Variants in SORBS2 observed in about 807,000 individuals in gnomAD.
SORBS2 encodes the protein sorbin and SH3 domain containing 2.
A neutral mutation model predicts 97.7 loss-of-function variants in SORBS2; 46 were observed. The ratio of observed to expected loss-of-function variants is 0.47; its 90% confidence interval spans 0.37 to 0.60. The LOEUF (loss-of-function observed/expected upper bound fraction) is 0.60, where lower values mean the gene tolerates loss of function less well. Among genes scored for constraint, SORBS2 ranks in the 20% least tolerant of loss-of-function variants. The probability of loss-of-function intolerance (pLI) is 0.00; values close to 1 mark genes in which losing one functional copy is unlikely to be tolerated. For missense variants in SORBS2, 1,316 were observed against 1,282.3 expected (o/e 1.03, Z -0.40); for synonymous variants, 476 against 473.4 (o/e 1.01, Z -0.07).
chr4:185,666,032 C>G, intron 4 of SORBS2: 1 of 1,289,486 alleles, frequency 7.8e-7, no homozygotes, highest in Non-Finnish European at 1.0e-6. Flanking sequence ...CCCACACCAT[C>G]GGGGGGCGGA....
At chr4:185,589,543 G>A (rs1580374706) in intron 14 of SORBS2, 136 bp downstream of exon 26, 1 of 658,282 alleles carries the variant, frequency 1.5e-6, no homozygotes, top group East Asian at 2.7e-5. Context: ...GGATTACATT[G>A]TGCATATGAA....
rs551140342 is a variant in SORBS2, at chr4:185,880,246, C to T, written c.-338+75950G>A. Among the ~76,000 whole-genome samples, 35 of 152,266 alleles carry T rather than the reference C, an allele frequency of 2.3e-4. 1 individual carries two copies. In the South Asian group the frequency reaches 7.3e-3, roughly 32 times the overall value. On this transcript the variant is annotated intron_variant, in intron 1 of 20. Coordinates refer to the SORBS2 transcript ENST00000284776. ...CCTTTATATACTGTTTTCAAGGCAA[C>T]CCACTCCCATTTAATGTTAGTCTAG...
At chr4:185,854,252 A>T (rs1250368666) in intron 1 of SORBS2, among the ~76,000 whole-genome samples, 1 of 152,184 alleles carries the variant, frequency 6.6e-6, no homozygotes, top group Non-Finnish European at 1.5e-5. Context: ...TAACAGTAAT[A>T]ATTGTTCATT....
intron 5 of SORBS2, among the ~76,000 whole-genome samples, chr4:185,628,128 T>C (rs999226333): frequency 2.6e-5 from 4 of 152,198 alleles, no homozygotes; most frequent in African/African-American, 9.7e-5. Flanking sequence ...CAATTATAAA[T>C]AATGCTCCTA....
chr4:185,915,404 T>G (rs1217849384), intron 1 of SORBS2, among the ~76,000 whole-genome samples: 1 of 152,154 alleles, frequency 6.6e-6, no homozygotes, highest in African/African-American at 2.4e-5. Flanking sequence ...GAAACCTAAA[T>G]AGTAATCAGC....
intron 1 of SORBS2, among the ~76,000 whole-genome samples, chr4:185,936,864 G>A (rs189987868): frequency 3.9e-5 from 6 of 152,156 alleles, no homozygotes; most frequent in African/African-American, 9.7e-5. Flanking sequence ...TGCACGGCAC[G>A]GCACAGCATG....
In SORBS2 at chr4:185,684,896, C is replaced by T. The variant is rs974208061; in HGVS notation, c.-197-6074G>A. 17 of 1,346,410 alleles carry T rather than the reference C, an allele frequency of 1.3e-5. No homozygotes were observed. The highest frequency in any genetic ancestry group is 1.2e-4 in the African/African-American group (8 of 69,016). The allele number at this position is 1,346,410 out of a possible 1,614,324, so 83.4% of individuals were successfully genotyped here. A position where few individuals can be genotyped will look rare whatever the true frequency, so the allele number is the denominator to read the frequency against. On this transcript the variant is annotated intron_variant, in intron 2 of 20. Transcript: ENST00000284776. The surrounding 1 kb of genome is among the most constrained non-coding windows in gnomAD (Gnocchi z 4.2). ...AGAGGCCAAGGCAACGGGAAAAGCA[C>T]GTGCAATATCATGCGTTTTAAGAGA... is the stretch of plus-strand genomic sequence containing the variant.
chr4:185,840,819 T>C (rs1229163776), intron 1 of SORBS2, among the ~76,000 whole-genome samples: 2 of 152,074 alleles, frequency 1.3e-5, no homozygotes, highest in Non-Finnish European at 2.9e-5. Flanking sequence ...CTCTGGAAGA[T>C]GTTCACTCAC....
intron 1 of SORBS2, among the ~76,000 whole-genome samples, chr4:185,816,121 T>C (rs1464887951): frequency 6.6e-6 from 1 of 152,238 alleles, no homozygotes; most frequent in African/African-American, 2.4e-5. Flanking sequence ...AGTTTGCTAT[T>C]TCCCTACATT....
At chr4:185,706,573 T>C (rs2098344404) in intron 2 of SORBS2, among the ~76,000 whole-genome samples, 2 of 152,110 alleles carry the variant, frequency 1.3e-5, no homozygotes, top group Admixed American at 6.6e-5. Flanking sequence ...ACACCAACCA[T>C]CTAAAGCCAA....
At chr4:185,699,344 T>C (rs1470563073) in intron 2 of SORBS2, among the ~76,000 whole-genome samples, 1 of 141,088 alleles carries the variant, frequency 7.1e-6, no homozygotes, top group Non-Finnish European at 1.5e-5. Flanking sequence ...TGGAGTGCAG[T>C]GGTGCAATCT....
intron 1 of SORBS2, among the ~76,000 whole-genome samples, chr4:185,780,616 T>G (rs2099023823): frequency 6.6e-6 from 1 of 152,246 alleles, no homozygotes; most frequent in Non-Finnish European, 1.5e-5. Context: ...ACCTATGCTT[T>G]CTCTTGGGCT....
At chr4:185,732,892 G>A (rs186006476) in intron 2 of SORBS2, among the ~76,000 whole-genome samples, 2 of 152,326 alleles carry the variant, frequency 1.3e-5, no homozygotes, top group Non-Finnish European at 2.9e-5. Context: ...TGGAGAGAGA[G>A]ATTTGGAGAC....
chr4:185,615,854 A>G (rs2096618661), intron 9 of SORBS2, among the ~76,000 whole-genome samples: 1 of 152,100 alleles, frequency 6.6e-6, no homozygotes, highest in East Asian at 1.9e-4. Context: ...AAGACACTAT[A>G]TTTTTCAATT....
intron 1 of SORBS2, among the ~76,000 whole-genome samples, chr4:185,887,960 ATGTGTGTGTGTGTG>A (rs60130240): frequency 2.6e-5 from 1 of 38,458 alleles, no homozygotes; most frequent in South Asian, 7.8e-4. Context: ...GTATATATAT[ATGTGTGTGTGTGTG>A]TGTGTGTGTG....
intron 1 of SORBS2, among the ~76,000 whole-genome samples, chr4:185,829,691 T>G (rs972088359): frequency 7.9e-5 from 12 of 152,322 alleles, no homozygotes; most frequent in African/African-American, 2.9e-4. Context: ...TTCTGGCACA[T>G]AGTCATTATT....
intron 1 of SORBS2, among the ~76,000 whole-genome samples, chr4:185,947,083 T>TC (rs1305699913): frequency 6.6e-6 from 1 of 152,238 alleles, no homozygotes; most frequent in Non-Finnish European, 1.5e-5. Context: ...GATTTGTGTC[T>TC]CCGCAGTTCA....
chr4:185,765,000 TGTGA>T (rs1462173707), intron 2 of SORBS2, among the ~76,000 whole-genome samples: 1 of 152,162 alleles, frequency 6.6e-6, no homozygotes, highest in Non-Finnish European at 1.5e-5. Context: ...TTTGTCTGGT[TGTGA>T]GTTTTTATCT....
chr4:185,921,960 T>C (rs1351097751), intron 1 of SORBS2, among the ~76,000 whole-genome samples: 1 of 152,232 alleles, frequency 6.6e-6, no homozygotes, highest in Non-Finnish European at 1.5e-5. Flanking sequence ...AGCCACACAA[T>C]TGTTAAAACA....
Sources: gnomAD v4.1 joint callset for allele counts (sites outside exome capture counted in the v4.1 genomes callset) on GRCh38, gnomAD v4.1.1 for gene constraint, Gnocchi (gnomAD v3.1) non-coding constraint, MANE v1.5 for transcripts, NCBI Gene and HGNC (gene_info 2026-07-23, HGNC 2026-07-21) for gene names.